Variants in TMEM178B observed in about 807,000 individuals in gnomAD.
TMEM178B encodes transmembrane protein 178B.
In TMEM178B, 5 loss-of-function variants were observed where a neutral mutation model predicts 31.0. That is an observed-to-expected ratio of 0.16 (90% CI 0.08 to 0.34). TMEM178B has a LOEUF of 0.34. TMEM178B is among the 10% of genes least tolerant of loss of function. TMEM178B has a pLI of 1.00. For missense variants in TMEM178B, 275 were observed against 400.3 expected, an observed-to-expected ratio of 0.69 and a Z score of 2.67; for synonymous variants, 164 against 164.0, an observed-to-expected ratio of 1.00 and a Z score of 0.00.
At chr7:141,214,363 T>C (rs1248792224) in intron 2 of TMEM178B, among the ~76,000 whole-genome samples, 3 of 152,142 alleles carry the variant, frequency 2.0e-5, no homozygotes, top group Non-Finnish European at 4.4e-5. Flanking sequence ...TGCCAGTGAA[T>C]ACCGAGGCCA....
intron 1 of TMEM178B, among the ~76,000 whole-genome samples, chr7:141,085,848 C>T (rs961202709): frequency 5.9e-5 from 9 of 151,986 alleles, no homozygotes; most frequent in African/African-American, 1.7e-4. Context: ...TGAAGACGTG[C>T]GTGCCTGTGG....
At chr7:141,359,459 C>G (rs1419655162) in intron 2 of TMEM178B, among the ~76,000 whole-genome samples, 1 of 152,186 alleles carries the variant, frequency 6.6e-6, no homozygotes, top group Non-Finnish European at 1.5e-5. Flanking sequence ...TCCTAATTGA[C>G]CCATTATCAT....
At chr7:141,339,720 T>C (rs1196945918) in intron 2 of TMEM178B, among the ~76,000 whole-genome samples, 6 of 152,170 alleles carry the variant, frequency 3.9e-5, no homozygotes, top group Non-Finnish European at 5.9e-5. Flanking sequence ...ATGCTGTAAG[T>C]GTAGGGACAG....
chr7:141,281,471 C>A (rs1019995776), intron 2 of TMEM178B, among the ~76,000 whole-genome samples: 28 of 152,122 alleles, frequency 1.8e-4, no homozygotes, highest in Admixed American at 1.8e-3. Flanking sequence ...GACTGAGCAG[C>A]GAACGTGCGT....
At chr7:141,425,915 C>T (rs147046475) in intron 2 of TMEM178B, among the ~76,000 whole-genome samples, 1 of 152,178 alleles carries the variant, frequency 6.6e-6, no homozygotes, top group Non-Finnish European at 1.5e-5. Flanking sequence ...TACCTTCCCC[C>T]CCTATCTCTT....
intron 2 of TMEM178B, among the ~76,000 whole-genome samples, chr7:141,432,811 T>C (rs1219746783): frequency 1.3e-5 from 2 of 152,208 alleles, no homozygotes; most frequent in Non-Finnish European, 2.9e-5. Context: ...TGTCTGCTCA[T>C]GTTGAAAAAT....
At chr7:141,385,738 C>G (rs902757001) in intron 2 of TMEM178B, among the ~76,000 whole-genome samples, 1 of 152,210 alleles carries the variant, frequency 6.6e-6, no homozygotes, top group African/African-American at 2.4e-5. Flanking sequence ...TCCTGGACCA[C>G]CTGTTGGTCT....
intron 1 of TMEM178B, among the ~76,000 whole-genome samples, chr7:141,181,413 G>A (rs1796528351): frequency 6.6e-6 from 1 of 152,186 alleles, no homozygotes. Context: ...GCTCAGTGTA[G>A]ACAGGTTGAC....
chr7:141,243,281 G>C (rs1797657486), intron 2 of TMEM178B, among the ~76,000 whole-genome samples: 1 of 152,034 alleles, frequency 6.6e-6, no homozygotes, highest in South Asian at 2.1e-4. Context: ...ATGGTCACTT[G>C]TGGATTTTTG....
At chr7:141,225,058 C>T (rs760975246) in intron 2 of TMEM178B, among the ~76,000 whole-genome samples, 15 of 152,306 alleles carry the variant, frequency 9.8e-5, no homozygotes, top group South Asian at 2.1e-4. Context: ...GCCTACCATG[C>T]GGGCATTTGT....
intron 2 of TMEM178B, among the ~76,000 whole-genome samples, chr7:141,398,915 GA>G (rs1800704829): frequency 6.6e-6 from 1 of 152,204 alleles, no homozygotes; most frequent in Non-Finnish European, 1.5e-5. Context: ...CATTTTCAGA[GA>G]AGAGGCATTA....
chr7:141,472,763 A>G lies in TMEM178B; in HGVS notation c.*1977A>G, dbSNP rs1185823217. The G allele has an allele frequency of 1.3e-5, 2 of 152,146 alleles. No homozygotes were observed. Among genetic ancestry groups the G allele is most frequent in the Admixed American group, 6.5e-5 (1 of 15,280 alleles). The allele number at this position is 152,146 out of a possible 1,614,324, so 9.4% of individuals were successfully genotyped here. ...TAACCACTTACCTTCTCTCTCTTCT[A>G]TCTTCCACCCTCATCTGCTCCTTTG... On this transcript the variant is annotated 3_prime_UTR_variant, in exon 4 of 4. Coordinates refer to ENST00000565468, the MANE Select transcript of TMEM178B (RefSeq NM_001195278.2).
At chr7:141,263,618 A>G (rs1586857893) in intron 2 of TMEM178B, among the ~76,000 whole-genome samples, 1 of 152,154 alleles carries the variant, frequency 6.6e-6, no homozygotes, top group East Asian at 1.9e-4. Context: ...TAACAATTTT[A>G]TGCTTTGAGG....
rs1234569508 is a variant in TMEM178B at position 141,170,616 on chromosome 7, T to A, written c.383-41975T>A. On this transcript the variant is annotated intron_variant, in intron 1 of 3. Coordinates refer to ENST00000565468, the MANE Select transcript of TMEM178B (RefSeq NM_001195278.2). ...TGGTGTAACTGATTGCCTCTCAAAT[T>A]CCCCCCCATATCTGCTCCAAATGAC... is the stretch of plus-strand genomic sequence containing the variant. Among the ~76,000 whole-genome samples, 4 of 151,760 alleles carry A rather than the reference T, an allele frequency of 2.6e-5. No homozygotes were observed. The South Asian group carries it at 6.2e-4, about 24-fold the overall frequency.
At chr7:141,208,085 G>T (rs895413414) in intron 1 of TMEM178B, among the ~76,000 whole-genome samples, 1 of 152,102 alleles carries the variant, frequency 6.6e-6, no homozygotes, top group Non-Finnish European at 1.5e-5. Flanking sequence ...CACAGCTATT[G>T]CAGAGGCTGA....
chr7:141,359,808 TA>T (rs1168119993), intron 2 of TMEM178B, among the ~76,000 whole-genome samples: 3 of 152,162 alleles, frequency 2.0e-5, no homozygotes, highest in African/African-American at 7.2e-5. Context: ...GGGTAATTTA[TA>T]AAGAAAAAGA....
intron 2 of TMEM178B, chr7:141,414,536 A>T (rs2116641195): frequency 1.3e-5 from 2 of 152,764 alleles, no homozygotes; most frequent in South Asian, 4.1e-4. Flanking sequence ...ACATAAAAGG[A>T]TATAGTTGGT....
chr7:141,216,812 G>C (rs988114994), intron 2 of TMEM178B, among the ~76,000 whole-genome samples: 1 of 152,144 alleles, frequency 6.6e-6, no homozygotes, highest in African/African-American at 2.4e-5. Flanking sequence ...CAGCAGCCCT[G>C]GGTGGGCTGT....
At chr7:141,090,934 C>G (rs559536379) in intron 1 of TMEM178B, among the ~76,000 whole-genome samples, 1 of 152,284 alleles carries the variant, frequency 6.6e-6, no homozygotes, top group East Asian at 1.9e-4. Context: ...TCTCCTTTAG[C>G]CATAATATCT....
Sources: gnomAD v4.1 joint callset for allele counts (sites outside exome capture counted in the v4.1 genomes callset) on GRCh38, gnomAD v4.1.1 for gene constraint, MANE v1.5 for transcripts, NCBI Gene and HGNC (gene_info 2026-07-23, HGNC 2026-07-21) for gene names.